Variants in CACNA1B observed in about 807,000 individuals in gnomAD.
The protein encoded by CACNA1B is calcium voltage-gated channel subunit alpha1 B, also known as voltage-dependent N-type calcium channel subunit alpha-1B.
Under a neutral mutation model 247.2 loss-of-function variants are expected in CACNA1B, and 70 were observed. The observed-to-expected ratio is 0.28, with a 90% CI of 0.23 to 0.35. The LOEUF (loss-of-function observed/expected upper bound fraction) is 0.35. Among genes scored for constraint, CACNA1B ranks in the 10% least tolerant of loss-of-function variants. The pLI is 1.00. For missense variants in CACNA1B, 2,367 were observed against 3,197.4 expected (o/e 0.74, Z 6.26); for synonymous variants, 1,231 against 1,294.4 (o/e 0.95, Z 1.05).
rs1958409600 is a variant in CACNA1B, at chr9:137,989,694, C to G, written c.1974+2840C>G. 2.6e-5 allele frequency among the ~76,000 whole-genome samples: 4 copies of G among 152,216 alleles called. No homozygotes were observed. In the South Asian group the frequency reaches 8.3e-4, roughly 32 times the overall value. ...ATTCGCCAAGAATTCTGAATCCAGA[C>G]AGCTGTGGTTTAAGCGTGAGGGCAG... On this transcript the variant is annotated intron_variant, in intron 15 of 46. Coordinates refer to ENST00000371372, the MANE Select transcript of CACNA1B (RefSeq NM_000718.4).
At position 138,118,642 on chromosome 9, in the gene CACNA1B, G is replaced by C; in HGVS notation, c.5914-10G>C. The C allele has an allele frequency of 2.2e-6, 3 of 1,354,458 alleles. No individual in the cohort carries two copies. Among genetic ancestry groups the C allele is most frequent in the South Asian group, 2.5e-5 (2 of 79,878 alleles). The allele number at this position is 1,354,458 out of a possible 1,614,324, so 83.9% of individuals were successfully genotyped here. A position where few individuals can be genotyped will look rare whatever the true frequency, so the allele number is the denominator to read the frequency against. On this transcript the variant is annotated splice_polypyrimidine_tract_variant and intron_variant, in intron 43 of 46. Coordinates refer to ENST00000371372, the MANE Select transcript of CACNA1B (RefSeq NM_000718.4). ...TGTGTGGTGGGACTAGGTGAGTGCT[G>C]TATCCACAGGCTGTGGACGTTCAGA...
intron 6 of CACNA1B, among the ~76,000 whole-genome samples, chr9:137,943,829 G>A (rs931293594): frequency 3.9e-5 from 6 of 152,150 alleles, no homozygotes; most frequent in Non-Finnish European, 5.9e-5. Flanking sequence ...GTAGGTAACC[G>A]CAATGAGCAC....
At chr9:138,064,842 G>A (rs180988131) in intron 31 of CACNA1B, among the ~76,000 whole-genome samples, 5 of 152,334 alleles carry the variant, frequency 3.3e-5, no homozygotes, top group Admixed American at 2.0e-4. Context: ...ATCTCCTCCC[G>A]TCAACCCTGG....
At position 138,121,471 on chromosome 9, in the gene CACNA1B, C is replaced by T; in HGVS notation, c.6492C>T (p.Gly2164=). 6.8e-7 allele frequency: 1 copy of T among 1,479,334 alleles called. No individual in the cohort carries two copies. Among genetic ancestry groups the T allele is most frequent in the Non-Finnish European group, 9.0e-7 (1 of 1,106,892 alleles). 91.6% of individuals were successfully genotyped at this position (1,479,334 alleles called of 1,614,324 possible). The change falls in exon 47 of 47, where the codon GGC becomes GGT. Residue 2164 remains glycine (G), a splice_region_variant and synonymous_variant. Transcript: ENST00000371372. This position sits in a 1 kb window ranked among gnomAD's most constrained non-coding sequence, Gnocchi z 6.8. ...TGTTCTGGTCCATTTTCATGTAGGGCAGTGGTTCCGTGAATGGGAGCCCCT... is the reference window on the plus strand; with the variant it reads ...TGTTCTGGTCCATTTTCATGTAGGGTAGTGGTTCCGTGAATGGGAGCCCCT... ...AGQEPGPHPQ[G]SGSVNGSPLL...
chr9:138,062,541 G>A (rs1322157154), intron 31 of CACNA1B, among the ~76,000 whole-genome samples: 1 of 152,308 alleles, frequency 6.6e-6, no homozygotes, highest in African/African-American at 2.4e-5. Flanking sequence ...ATCACTATGG[G>A]GAGATGCTTT....
chr9:137,998,549 T>G (rs1241863547), intron 15 of CACNA1B, among the ~76,000 whole-genome samples: 1 of 152,132 alleles, frequency 6.6e-6, no homozygotes, highest in African/African-American at 2.4e-5. Flanking sequence ...GCCACTGCAC[T>G]CCAGCCTGGG....
At position 138,122,046 on chromosome 9, in the gene CACNA1B, C is replaced by T. The variant is rs1195557243; in HGVS notation, c.*47C>T. The T allele has an allele frequency of 4.6e-6, 7 of 1,513,270 alleles. No homozygotes were observed. The East Asian group carries it at 1.7e-4, about 36-fold the overall frequency. 93.7% of individuals were successfully genotyped at this position (1,513,270 alleles called of 1,614,324 possible). On this transcript the variant is annotated 3_prime_UTR_variant, in exon 47 of 47. Coordinates refer to ENST00000371372, the MANE Select transcript of CACNA1B (RefSeq NM_000718.4). ...GCCTGCATGCAGCAGGCGTGTGTTC[C>T]AGTGGATGAGTTTTATCATCCACAC... is the stretch of plus-strand genomic sequence containing the variant.
chr9:138,058,451 A>G lies in CACNA1B; in HGVS notation c.4309-118A>G, dbSNP rs889941754. The G allele has an allele frequency of 5.2e-5, 54 of 1,032,512 alleles. No individual in the cohort carries two copies. Among genetic ancestry groups the G allele is most frequent in the African/African-American group, 1.3e-4 (8 of 62,176 alleles). The allele number at this position is 1,032,512 out of a possible 1,614,324, so 64.0% of individuals were successfully genotyped here. ...CTTGGAGAAGGTCTGGGCTGCTTCA[A>G]TTTGTCTTCTGTTGTCAGGGCTCCC... On this transcript the variant is annotated intron_variant, in intron 28 of 46. Transcript: ENST00000371372. The surrounding 1 kb of genome is among the most constrained non-coding windows in gnomAD (Gnocchi z 4.7).
intron 15 of CACNA1B, among the ~76,000 whole-genome samples, chr9:137,998,743 C>A (rs929161398): frequency 6.6e-6 from 1 of 152,208 alleles, no homozygotes; most frequent in African/African-American, 2.4e-5. Context: ...CAGGACCTAA[C>A]AACCTGGCCT....
intron 42 of CACNA1B, among the ~76,000 whole-genome samples, chr9:138,116,834 C>T (rs927490524): frequency 2.0e-5 from 3 of 152,218 alleles, no homozygotes; most frequent in African/African-American, 7.2e-5. Context: ...CCTGCCACTG[C>T]GGCCGCTCTG....
chr9:137,911,442 G>T (rs1044532673), intron 3 of CACNA1B, among the ~76,000 whole-genome samples: 3 of 152,042 alleles, frequency 2.0e-5, no homozygotes, highest in Non-Finnish European at 4.4e-5. Flanking sequence ...TCGAGTCGGA[G>T]TCTCGCTCTG....
chr9:138,111,732 C>T (rs961719241), intron 39 of CACNA1B, among the ~76,000 whole-genome samples: 1 of 151,530 alleles, frequency 6.6e-6, no homozygotes, highest in Non-Finnish European at 1.5e-5. Flanking sequence ...CCCTCCTGCC[C>T]ACCCCTCCAT....
rs1387053621 is a variant in CACNA1B, at chr9:138,051,996, G to A, written c.3711-96G>A. The A allele has an allele frequency of 8.7e-6, 6 of 690,050 alleles. No homozygotes were observed. The highest frequency in any genetic ancestry group is 1.6e-5 in the Non-Finnish European group (6 of 383,610). The allele number at this position is 690,050 out of a possible 1,614,324, so 42.7% of individuals were successfully genotyped here. A position where few individuals can be genotyped will look rare whatever the true frequency, so the allele number is the denominator to read the frequency against. ...TCCACCCTGGAGTCTGAGACAAAAT[G>A]CACAGGGGAGCAGGACTCAGACCCT... On this transcript the variant is annotated intron_variant, in intron 24 of 46. Coordinates refer to ENST00000371372, the MANE Select transcript of CACNA1B (RefSeq NM_000718.4). The surrounding 1 kb of genome is among the most constrained non-coding windows in gnomAD (Gnocchi z 4.3).
intron 6 of CACNA1B, among the ~76,000 whole-genome samples, chr9:137,933,080 G>C (rs915838132): frequency 6.6e-6 from 1 of 152,074 alleles, no homozygotes; most frequent in Non-Finnish European, 1.5e-5. Context: ...CTACAGGCGC[G>C]TGCCACCACG....
At chr9:137,948,572 C>T (rs1034994830) in intron 6 of CACNA1B, among the ~76,000 whole-genome samples, 5 of 151,884 alleles carry the variant, frequency 3.3e-5, no homozygotes, top group African/African-American at 1.2e-4. Flanking sequence ...AAGTCTCAAT[C>T]AATTCAGAAT....
At chr9:137,935,181 G>T (rs1220535405) in intron 6 of CACNA1B, among the ~76,000 whole-genome samples, 1 of 152,060 alleles carries the variant, frequency 6.6e-6, no homozygotes, top group Admixed American at 6.6e-5. Context: ...TATACCTGTG[G>T]CATGTTGGTT....
chr9:138,023,795 C>A lies in CACNA1B; in HGVS notation c.3052C>A (p.Arg1018=). Residue 1018 remains arginine, a synonymous_variant, in exon 19 of 47, where the codon CGG becomes AGG. Transcript: ENST00000371372. Reference sequence around the variant, plus strand: ...GGAAGCCGACAAGGAAAAGGAGCTCCGGAACCACCAGCCCCGGTGAGTCCG... The same window carrying A: ...GGAAGCCGACAAGGAAAAGGAGCTCAGGAACCACCAGCCCCGGTGAGTCCG... ...IVEADKEKEL[R]NHQPREPHCD... The A allele has an allele frequency of 7.0e-7, 1 of 1,437,696 alleles. No homozygotes were observed. Among genetic ancestry groups the A allele is most frequent in the African/African-American group, 1.4e-5 (1 of 70,774 alleles). 89.1% of individuals were successfully genotyped at this position (1,437,696 alleles called of 1,614,324 possible). A position where few individuals can be genotyped will look rare whatever the true frequency, so the allele number is the denominator to read the frequency against.
In CACNA1B at chr9:137,917,449, C is replaced by T. The variant is rs753852442; in HGVS notation, c.966+18C>T. On this transcript the variant is annotated intron_variant, in intron 6 of 46. Coordinates refer to ENST00000371372, the MANE Select transcript of CACNA1B (RefSeq NM_000718.4). The surrounding 1 kb of genome is among the most constrained non-coding windows in gnomAD (Gnocchi z 5.5). ...TCTATAATGTGAGTGGCGTCTTGGC[C>T]CTGGGCCTGAGGGCAGGCCCTGGAC... is the stretch of plus-strand genomic sequence containing the variant. 2.5e-6 allele frequency: 4 copies of T among 1,608,622 alleles called. No homozygotes were observed. The highest frequency in any genetic ancestry group is 2.2e-5 in the East Asian group (1 of 44,852).
intron 19 of CACNA1B, among the ~76,000 whole-genome samples, chr9:138,024,614 G>A (rs957080664): frequency 3.3e-5 from 5 of 152,134 alleles, no homozygotes; most frequent in Non-Finnish European, 7.3e-5. Flanking sequence ...TGGTTGATAG[G>A]ATTTTGCTGA....
Sources: allele counts gnomAD v4.1 joint callset (sites outside exome capture counted in the v4.1 genomes callset), GRCh38; gene constraint gnomAD v4.1.1; non-coding constraint Gnocchi (gnomAD v3.1); transcripts MANE v1.5; gene names NCBI Gene and HGNC (gene_info 2026-07-23, HGNC 2026-07-21).